The following HS3ST4 variants were observed in gnomAD, a reference collection of about 807,000 sequenced individuals.
HS3ST4 encodes the protein heparan sulfate-glucosamine 3-sulfotransferase 4, also known as heparan sulfate glucosamine 3-O-sulfotransferase 4.
In HS3ST4, 17 loss-of-function variants were observed where a neutral mutation model predicts 29.2. The observed-to-expected ratio is 0.58, with a 90% CI of 0.40 to 0.87. The LOEUF (loss-of-function observed/expected upper bound fraction) is 0.87, where lower values mean the gene tolerates loss of function less well. Ranked by LOEUF, HS3ST4 falls within the 40% of genes least tolerant of loss-of-function variation. The pLI, the probability that HS3ST4 is intolerant of heterozygous loss-of-function variation, is 0.00. For missense variants in HS3ST4, 627 were observed against 634.5 expected (o/e 0.99, Z 0.13); for synonymous variants, 314 against 285.7 (o/e 1.10, Z -1.00).
At chr16:26,062,218 G>T (rs1596667648) in intron 1 of HS3ST4, among the ~76,000 whole-genome samples, 1 of 152,182 alleles carries the variant, frequency 6.6e-6, no homozygotes, top group Admixed American at 6.5e-5. Flanking sequence ...TTCCAACTCA[G>T]AGCATTTAGA....
chr16:25,778,762 A>AAGAAGG lies in HS3ST4; in HGVS notation c.734+85627_734+85632dup, dbSNP rs904856910. ...GAAGGAGGAGAAGAAGGAGGAGGAG[A>AAGAAGG]AGAAGGAGAAGGAGAAGGAGATGAA... is the stretch of plus-strand genomic sequence containing the variant. On this transcript the variant is annotated intron_variant, in intron 1 of 1. Coordinates refer to ENST00000331351, the MANE Select transcript of HS3ST4 (RefSeq NM_006040.3). 5.3e-5 allele frequency among the ~76,000 whole-genome samples: 8 copies of AAGAAGG among 152,028 alleles called. No individual in the cohort carries two copies. In the East Asian group the frequency reaches 5.8e-4, roughly 11 times the overall value.
chr16:25,706,843 T>C (rs1966379346), intron 1 of HS3ST4, among the ~76,000 whole-genome samples: 1 of 152,220 alleles, frequency 6.6e-6, no homozygotes, highest in Admixed American at 6.5e-5. Context: ...CAAGGAATTG[T>C]ATACAGAAGG....
intron 1 of HS3ST4, among the ~76,000 whole-genome samples, chr16:25,852,366 C>T (rs1245891951): frequency 1.3e-5 from 2 of 152,070 alleles, no homozygotes; most frequent in Non-Finnish European, 2.9e-5. Flanking sequence ...CATAGGTCAA[C>T]GTGTGCCATG....
At chr16:26,121,671 C>T (rs932569269) in intron 1 of HS3ST4, among the ~76,000 whole-genome samples, 5 of 152,116 alleles carry the variant, frequency 3.3e-5, no homozygotes, top group South Asian at 4.1e-4. Flanking sequence ...GCAGGCTTCC[C>T]GAGAGGAGCC....
At chr16:25,987,589 A>G (rs1969076796) in intron 1 of HS3ST4, among the ~76,000 whole-genome samples, 1 of 152,140 alleles carries the variant, frequency 6.6e-6, no homozygotes. Context: ...TTTGCTGGCC[A>G]CATGCATTCC....
At chr16:25,715,299 G>A (rs556314169) in intron 1 of HS3ST4, among the ~76,000 whole-genome samples, 56 of 142,804 alleles carry the variant, frequency 3.9e-4, no homozygotes, top group Middle Eastern at 8.2e-3. Flanking sequence ...TCCGCAGTCC[G>A]GCCTGGGCGA....
intron 1 of HS3ST4, among the ~76,000 whole-genome samples, chr16:25,959,629 T>C (rs945855574): frequency 6.6e-6 from 1 of 152,184 alleles, no homozygotes; most frequent in Non-Finnish European, 1.5e-5. Flanking sequence ...TATAGTTGCC[T>C]ACAGGAACAC....
intron 1 of HS3ST4, among the ~76,000 whole-genome samples, chr16:25,788,415 C>CA (rs11384547): frequency 0.42 from 60,211 of 142,912 alleles, 13,262 homozygotes; most frequent in African/African-American, 0.54. Flanking sequence ...AATTCTGTCT[C>CA]AAAAAAAAAA....
intron 1 of HS3ST4, among the ~76,000 whole-genome samples, chr16:26,115,245 G>GTGTATATATATACATATACATACA (rs1227938778): frequency 2.0e-5 from 3 of 149,052 alleles, no homozygotes; most frequent in African/African-American, 7.5e-5. Flanking sequence ...GTATGTGTGT[G>GTGTATATATATACATATACATACA]TATATATATA....
intron 1 of HS3ST4, among the ~76,000 whole-genome samples, chr16:26,014,547 A>T (rs1258712807): frequency 6.6e-6 from 1 of 151,956 alleles, no homozygotes; most frequent in East Asian, 1.9e-4. Context: ...CTTTGTGTCC[A>T]TGTGTATTCA....
At chr16:25,737,951 C>A (rs376052586) in intron 1 of HS3ST4, among the ~76,000 whole-genome samples, 1 of 144,010 alleles carries the variant, frequency 6.9e-6, no homozygotes, top group Non-Finnish European at 1.5e-5. Flanking sequence ...GTTGCCCAGG[C>A]TGGTGTGCAG....
chr16:25,884,384 C>G (rs542487938), intron 1 of HS3ST4, among the ~76,000 whole-genome samples: 1 of 152,314 alleles, frequency 6.6e-6, no homozygotes, highest in East Asian at 1.9e-4. Flanking sequence ...CCTTGGCTGT[C>G]CACCCACAGC....
chr16:26,098,649 G>A (rs1898956386), intron 1 of HS3ST4, among the ~76,000 whole-genome samples: 1 of 151,914 alleles, frequency 6.6e-6, no homozygotes, highest in South Asian at 2.1e-4. Context: ...CGAGTTGATG[G>A]GTGCAACAAA....
intron 1 of HS3ST4, among the ~76,000 whole-genome samples, chr16:26,080,714 C>A (rs966683572): frequency 6.6e-6 from 1 of 152,162 alleles, no homozygotes; most frequent in African/African-American, 2.4e-5. Context: ...TGGTGGATGA[C>A]TGCTCCCGCG....
chr16:25,930,979 G>A (rs1415793416), intron 1 of HS3ST4, among the ~76,000 whole-genome samples: 1 of 152,022 alleles, frequency 6.6e-6, no homozygotes, highest in Non-Finnish European at 1.5e-5. Context: ...TCACTGTGTT[G>A]CCCAGGCTGG....
At chr16:25,739,132 A>G (rs1228430264) in intron 1 of HS3ST4, among the ~76,000 whole-genome samples, 1 of 152,152 alleles carries the variant, frequency 6.6e-6, no homozygotes, top group Non-Finnish European at 1.5e-5. Context: ...ATCTGAGGTC[A>G]GGAGTTCAAG....
At chr16:25,828,236 TTCTTTCTCTTTCTTTC>T (rs1967241975) in intron 1 of HS3ST4, among the ~76,000 whole-genome samples, 1 of 81,668 alleles carries the variant, frequency 1.2e-5, no homozygotes, top group Non-Finnish European at 2.4e-5. Flanking sequence ...CTTTCTTTCT[TTCTTTCTCTTTCTTTC>T]TTTCTTTCTT....
intron 1 of HS3ST4, among the ~76,000 whole-genome samples, chr16:25,921,842 C>T (rs1399903108): frequency 2.0e-5 from 3 of 151,784 alleles, no homozygotes; most frequent in African/African-American, 7.3e-5. Context: ...TCAGCCTCAA[C>T]CTCCTGGGCT....
chr16:25,936,284 G>A (rs1466177131), intron 1 of HS3ST4, among the ~76,000 whole-genome samples: 2 of 152,176 alleles, frequency 1.3e-5, no homozygotes, highest in East Asian at 3.9e-4. Flanking sequence ...TGATTTGGTG[G>A]GGACCTAGAA....
Sources: allele counts gnomAD v4.1 joint callset (sites outside exome capture counted in the v4.1 genomes callset), GRCh38; gene constraint gnomAD v4.1.1; transcripts MANE v1.5; gene names NCBI Gene and HGNC (gene_info 2026-07-23, HGNC 2026-07-21).